Variants in LYPD6B observed in about 807,000 individuals in gnomAD.
The protein encoded by LYPD6B is ly6/PLAUR domain-containing protein 6B.
LYPD6B carries 17 observed loss-of-function variants against 22.8 expected under a neutral mutation model. The ratio of observed to expected loss-of-function variants is 0.75; its 90% CI spans 0.51 to 1.12. The LOEUF is 1.12. Ranked by LOEUF, LYPD6B falls within the 50% of genes most tolerant of loss-of-function variation. The probability of loss-of-function intolerance (pLI) is 0.00; values close to 1 mark genes in which losing one functional copy is unlikely to be tolerated. For synonymous variants in LYPD6B, 106 were observed against 91.6 expected (o/e 1.16, Z -0.90); for missense variants, 221 against 258.3 (o/e 0.86, Z 0.99).
At chr2:149,096,689 A>T (rs528193130) in intron 1 of LYPD6B, among the ~76,000 whole-genome samples, 2 of 151,862 alleles carry the variant, frequency 1.3e-5, no homozygotes, top group East Asian at 1.9e-4. Context: ...TGGGTGGTTG[A>T]TTTTTTTTCT....
At chr2:149,180,787 G>T (rs1467118315) in intron 3 of LYPD6B, among the ~76,000 whole-genome samples, 1 of 152,190 alleles carries the variant, frequency 6.6e-6, no homozygotes, top group East Asian at 1.9e-4. Flanking sequence ...GGCACAAAAA[G>T]GACCCGGAAA....
rs1693431232 is a variant in LYPD6B at position 149,205,235 on chromosome 2, T to C, written c.78-18T>C. 6.3e-7 allele frequency: 1 copy of C among 1,591,200 alleles called. No individual in the cohort carries two copies. Among genetic ancestry groups the C allele is most frequent in the Admixed American group, 1.9e-5 (1 of 53,724 alleles). The stretch of plus-strand genomic sequence containing the variant: ...GTAAAATATAAAGAAACTGAACCAG[T>C]GTGTCTTTTCACCATAGATATAAGA... On this transcript the variant is annotated intron_variant, in intron 3 of 6. Transcript: ENST00000409642.
intron 3 of LYPD6B, among the ~76,000 whole-genome samples, chr2:149,179,351 T>G (rs1399912363): frequency 6.6e-6 from 1 of 152,244 alleles, no homozygotes; most frequent in Non-Finnish European, 1.5e-5. Flanking sequence ...TTAGTAGCTA[T>G]CTGGCAGTGC....
chr2:149,136,716 T>C (rs1369453068), intron 2 of LYPD6B, among the ~76,000 whole-genome samples: 1 of 152,232 alleles, frequency 6.6e-6, no homozygotes, highest in African/African-American at 2.4e-5. Context: ...TGCTGACTTA[T>C]AAGCTTTGTG....
chr2:149,167,236 G>A (rs1690489047), intron 3 of LYPD6B, among the ~76,000 whole-genome samples: 1 of 152,122 alleles, frequency 6.6e-6, no homozygotes, highest in African/African-American at 2.4e-5. Context: ...AGCTCAGCCT[G>A]CCATTATGAC....
intron 3 of LYPD6B, among the ~76,000 whole-genome samples, chr2:149,171,231 A>G (rs1690796555): frequency 1.3e-5 from 2 of 152,158 alleles, no homozygotes; most frequent in Non-Finnish European, 2.9e-5. Flanking sequence ...AACCCAGGCA[A>G]ATGCTAAGGA....
chr2:149,192,241 C>A (rs1213739290), intron 3 of LYPD6B, among the ~76,000 whole-genome samples: 1 of 152,146 alleles, frequency 6.6e-6, no homozygotes, highest in Non-Finnish European at 1.5e-5. Flanking sequence ...GTATTTTTCT[C>A]AGCCTTCTTT....
At chr2:149,214,428 C>G (rs1272456188) in intron 6 of LYPD6B, 118 bp from the exon 7 acceptor site, 1 of 1,052,968 alleles carries the variant, frequency 9.5e-7, no homozygotes, top group Admixed American at 2.2e-5. Context: ...ATTGGATAAC[C>G]AACTCCAATT....
intron 3 of LYPD6B, among the ~76,000 whole-genome samples, chr2:149,199,533 G>A (rs1163880047): frequency 6.6e-6 from 1 of 152,120 alleles, no homozygotes; most frequent in Non-Finnish European, 1.5e-5. Flanking sequence ...TATAGTGAAG[G>A]CTGAGGCTGA....
intron 5 of LYPD6B, among the ~76,000 whole-genome samples, chr2:149,210,311 A>G (rs1693766187): frequency 6.6e-6 from 1 of 152,146 alleles, no homozygotes; most frequent in African/African-American, 2.4e-5. Flanking sequence ...AGAAAACATC[A>G]GAGATGGGAA....
intron 3 of LYPD6B, among the ~76,000 whole-genome samples, chr2:149,175,057 C>CTGTGTGTGTGTGTGTG (rs1480516583): frequency 7.9e-6 from 1 of 127,386 alleles, no homozygotes; most frequent in African/African-American, 2.8e-5. Context: ...CTCTCTCTCT[C>CTGTGTGTGTGTGTGTG]TCTCTGTGTG....
intron 1 of LYPD6B, among the ~76,000 whole-genome samples, chr2:149,088,713 A>G (rs1048981941): frequency 3.3e-5 from 5 of 152,238 alleles, no homozygotes; most frequent in Admixed American, 2.6e-4. Context: ...AAATGCAATA[A>G]TAAGAGATTT....
intron 3 of LYPD6B, 92 bp downstream of exon 3, chr2:149,160,927 C>A: frequency 1.1e-6 from 1 of 946,976 alleles, no homozygotes; most frequent in Non-Finnish European, 1.6e-6. Flanking sequence ...GTCCCGGGAC[C>A]CTGTGTTTTT....
intron 1 of LYPD6B, among the ~76,000 whole-genome samples, chr2:149,093,565 T>C (rs1471244464): frequency 6.6e-6 from 1 of 152,152 alleles, no homozygotes; most frequent in Non-Finnish European, 1.5e-5. Context: ...AATTCAGGAA[T>C]TTTCCTTTGG....
intron 2 of LYPD6B, among the ~76,000 whole-genome samples, chr2:149,143,232 C>T (rs1268803141): frequency 1.3e-5 from 2 of 152,132 alleles, no homozygotes; most frequent in Non-Finnish European, 2.9e-5. Flanking sequence ...ACTTAATTGG[C>T]AGCTTTCTAT....
At chr2:149,122,445 G>A (rs1687426399) in intron 1 of LYPD6B, among the ~76,000 whole-genome samples, 3 of 148,394 alleles carry the variant, frequency 2.0e-5, no homozygotes, top group Non-Finnish European at 4.4e-5. Context: ...TATACTTTAA[G>A]TTCTAGGGTA....
chr2:149,134,679 T>C (rs1360272257), intron 2 of LYPD6B, among the ~76,000 whole-genome samples: 5 of 152,154 alleles, frequency 3.3e-5, no homozygotes, highest in South Asian at 4.1e-4. Flanking sequence ...AAAGTTGGTA[T>C]GGGAGGAGGC....
intron 1 of LYPD6B, among the ~76,000 whole-genome samples, chr2:149,051,053 A>G (rs1683528742): frequency 6.6e-6 from 1 of 151,818 alleles, no homozygotes; most frequent in South Asian, 2.1e-4. Context: ...ATATATTTAT[A>G]CATATACATA....
intron 1 of LYPD6B, among the ~76,000 whole-genome samples, chr2:149,128,792 A>G (rs1687851564): frequency 6.6e-6 from 1 of 152,234 alleles, no homozygotes; most frequent in South Asian, 2.1e-4. Flanking sequence ...GCATCTGTTC[A>G]TTGCTCAGAT....
Sources: gnomAD v4.1 joint callset for allele counts (sites outside exome capture counted in the v4.1 genomes callset) on GRCh38, gnomAD v4.1.1 for gene constraint, MANE v1.5 for transcripts, NCBI Gene and HGNC (gene_info 2026-07-23, HGNC 2026-07-21) for gene names.